ULK4: variants seen among roughly 807,000 people sequenced by gnomAD.
ULK4 encodes inactive serine/threonine-protein kinase ULK4.
In ULK4, 133 loss-of-function variants were observed where a neutral mutation model predicts 160.6. That is an observed-to-expected ratio of 0.83 (90% confidence interval 0.72 to 0.96). The LOEUF (loss-of-function observed/expected upper bound fraction) is 0.96. ULK4 is among the 40% of genes least tolerant of loss of function. The probability of loss-of-function intolerance (pLI) is 0.00; values close to 1 mark genes in which losing one functional copy is unlikely to be tolerated. For missense variants in ULK4, 1,580 were observed against 1,499.5 expected, an observed-to-expected ratio of 1.05 and a Z score of -0.89; for synonymous variants, 534 against 539.8, an observed-to-expected ratio of 0.99 and a Z score of 0.15.
At chr3:41,955,116 C>G (rs1422177753) in intron 1 of ULK4, among the ~76,000 whole-genome samples, 1 of 152,040 alleles carries the variant, frequency 6.6e-6, no homozygotes, top group Non-Finnish European at 1.5e-5. Context: ...CATGGTGAAC[C>G]CTGTCTCTAC....
chr3:41,565,364 T>C (rs2087748582), intron 32 of ULK4, among the ~76,000 whole-genome samples: 1 of 152,250 alleles, frequency 6.6e-6, no homozygotes, highest in African/African-American at 2.4e-5. Context: ...GGCAGTCTTA[T>C]GGTTCAAATG....
intron 20 of ULK4, among the ~76,000 whole-genome samples, chr3:41,794,035 G>A (rs879845591): frequency 4.6e-5 from 7 of 152,280 alleles, no homozygotes; most frequent in Admixed American, 2.0e-4. Flanking sequence ...GGGGACTCTC[G>A]TGCAGTAAGT....
intron 35 of ULK4, among the ~76,000 whole-genome samples, chr3:41,281,367 A>C (rs1028167472): frequency 4.6e-5 from 7 of 152,234 alleles, no homozygotes; most frequent in Non-Finnish European, 8.8e-5. Context: ...ATTTTGGACC[A>C]ATATCCCTGA....
At chr3:41,491,962 A>G (rs1173404630) in intron 32 of ULK4, among the ~76,000 whole-genome samples, 1 of 145,244 alleles carries the variant, frequency 6.9e-6, no homozygotes, top group Non-Finnish European at 1.5e-5. Flanking sequence ...ATTCCCATCT[A>G]TGAATGAGAA....
intron 25 of ULK4, among the ~76,000 whole-genome samples, chr3:41,712,073 TC>T (rs1341098620): frequency 6.6e-6 from 1 of 152,188 alleles, no homozygotes; most frequent in Non-Finnish European, 1.5e-5. Flanking sequence ...CAAATGCTAG[TC>T]TCTTTAAAAT....
rs376594337 is a variant in ULK4 at position 41,469,095 on chromosome 3, C to T, written c.3227-5842G>A. Among the ~76,000 whole-genome samples the T allele has an allele frequency of 1.2e-3, 177 of 152,252 alleles. 1 individual carries two copies. Among genetic ancestry groups the T allele is most frequent in the African/African-American group, 3.3e-3 (139 of 41,548 alleles). Reference sequence around the variant, plus strand: ...TCAGCCTCCAGGACCAGCCTCATACCTTGCCCCAAAGCCTCACATCCAGGG... The same window carrying T: ...TCAGCCTCCAGGACCAGCCTCATACTTTGCCCCAAAGCCTCACATCCAGGG... On this transcript the variant is annotated intron_variant, in intron 32 of 36. Coordinates refer to ENST00000301831, the MANE Select transcript of ULK4 (RefSeq NM_017886.4).
chr3:41,841,422 C>T (rs971698519), intron 17 of ULK4, among the ~76,000 whole-genome samples: 34 of 150,484 alleles, frequency 2.3e-4, no homozygotes, highest in African/African-American at 5.6e-4. Context: ...TGTGCCCGGC[C>T]GCCCCGTCTG....
In ULK4 at chr3:41,717,830, T is replaced by C. The variant is rs1227759642; in HGVS notation, c.2353A>G (p.Lys785Glu). The stretch of plus-strand genomic sequence containing the variant: ...TGCTGCTCCTTGCCTGGAGTGGTCT[T>C]TCTGCTGTCTCTCTCGATGTACATC... Reference protein sequence around the residue: ...LVMYIERDSRKTTPGKEQQSG... With the variant: ...LVMYIERDSRETTPGKEQQSG... Residue 785 changes from lysine to glutamate, a missense_variant, in exon 23 of 37, where the codon AAG becomes GAG. Physicochemically the swap from Lys to Glu is moderately conservative, Grantham distance 56 (BLOSUM62 1). Coordinates refer to ENST00000301831, the MANE Select transcript of ULK4 (RefSeq NM_017886.4). 6.2e-7 allele frequency: 1 copy of C among 1,614,002 alleles called. No individual in the cohort carries two copies. Among genetic ancestry groups the C allele is most frequent in the African/African-American group, 1.3e-5 (1 of 74,930 alleles).
intron 31 of ULK4, among the ~76,000 whole-genome samples, chr3:41,599,153 G>A (rs935583814): frequency 1.3e-5 from 2 of 152,168 alleles, no homozygotes; most frequent in African/African-American, 2.4e-5. Context: ...TTGGGCCGTG[G>A]GATGAGGATA....
chr3:41,643,162 G>A (rs1390624464), intron 30 of ULK4, among the ~76,000 whole-genome samples: 1 of 152,164 alleles, frequency 6.6e-6, no homozygotes, highest in Non-Finnish European at 1.5e-5. Context: ...TCTGACGGTA[G>A]TTTCTTTTGC....
intron 17 of ULK4, among the ~76,000 whole-genome samples, chr3:41,860,134 T>C (rs1371357489): frequency 6.6e-6 from 1 of 152,216 alleles, no homozygotes; most frequent in Admixed American, 6.5e-5. Context: ...TTTTAAGACT[T>C]GTTTTGTGAT....
intron 18 of ULK4, among the ~76,000 whole-genome samples, chr3:41,821,233 C>G (rs532291414): frequency 6.6e-6 from 1 of 152,308 alleles, no homozygotes. Flanking sequence ...CTTGTTTTCT[C>G]TAAGTCTGCT....
At chr3:41,632,961 G>C (rs1478442561) in intron 30 of ULK4, among the ~76,000 whole-genome samples, 2 of 152,154 alleles carry the variant, frequency 1.3e-5, no homozygotes, top group Non-Finnish European at 2.9e-5. Flanking sequence ...TGAGGGAAGG[G>C]TGGACAGATA....
At chr3:41,825,706 G>C (rs1437906569) in intron 18 of ULK4, among the ~76,000 whole-genome samples, 1 of 152,218 alleles carries the variant, frequency 6.6e-6, no homozygotes, top group Non-Finnish European at 1.5e-5. Context: ...AAGTGACAGG[G>C]AGAATGGAAC....
chr3:41,469,320 C>T (rs955666861), intron 32 of ULK4, among the ~76,000 whole-genome samples: 5 of 152,094 alleles, frequency 3.3e-5, no homozygotes, highest in African/African-American at 1.2e-4. Context: ...GATCACAGCC[C>T]CTCCTGCAAC....
chr3:41,846,274 T>C, intron 17 of ULK4, among the ~76,000 whole-genome samples: 1 of 152,118 alleles, frequency 6.6e-6, no homozygotes, highest in East Asian at 1.9e-4. Flanking sequence ...AAAAGAAAAA[T>C]ATAAGAATAA....
chr3:41,304,679 G>A (rs1175759721), intron 35 of ULK4, among the ~76,000 whole-genome samples: 1 of 152,222 alleles, frequency 6.6e-6, no homozygotes, highest in Non-Finnish European at 1.5e-5. Context: ...GCTGGCACTA[G>A]GCCATGAGTA....
At chr3:41,703,509 C>A (rs1037434147) in intron 27 of ULK4, among the ~76,000 whole-genome samples, 4 of 151,572 alleles carry the variant, frequency 2.6e-5, no homozygotes, top group Non-Finnish European at 5.9e-5. Context: ...ATGATGCTAA[C>A]GCAGTATTTA....
chr3:41,333,514 T>C (rs1164596882), intron 35 of ULK4, among the ~76,000 whole-genome samples: 2 of 152,226 alleles, frequency 1.3e-5, no homozygotes, highest in South Asian at 4.2e-4. Context: ...TGGCCAGCAT[T>C]ACTCTTTCTT....
Sources: allele counts gnomAD v4.1 joint callset (sites outside exome capture counted in the v4.1 genomes callset), GRCh38; gene constraint gnomAD v4.1.1; transcripts MANE v1.5; gene names NCBI Gene and HGNC (gene_info 2026-07-23, HGNC 2026-07-21).